SPTBN2: variants seen among roughly 807,000 people sequenced by gnomAD.
SPTBN2 encodes spectrin beta chain, non-erythrocytic 2.
Under a neutral mutation model 284.2 loss-of-function variants are expected in SPTBN2, and 107 were observed. That is an observed-to-expected ratio of 0.38 (90% CI 0.32 to 0.44). The LOEUF is 0.44. Among genes scored for constraint, SPTBN2 ranks in the 20% least tolerant of loss-of-function variants. The pLI is 1.00. For synonymous variants in SPTBN2, 1,289 were observed against 1,354.8 expected (o/e 0.95, Z 1.07); for missense variants, 2,569 against 3,287.1 (o/e 0.78, Z 5.34).
At chr11:66,739,842 G>A (rs1942882185) in intron 1 of SPTBN2, among the ~76,000 whole-genome samples, 2 of 152,170 alleles carry the variant, frequency 1.3e-5, no homozygotes, top group African/African-American at 2.4e-5. Context: ...GACCAGCCTG[G>A]CCAACATGGT....
chr11:66,686,943 T>G, intron 36 of SPTBN2, 51 bp downstream of exon 36: 1 of 1,609,480 alleles, frequency 6.2e-7, no homozygotes, highest in Non-Finnish European at 8.5e-7. Flanking sequence ...GGCTCACCTG[T>G]GTCACTCCCA....
chr11:66,710,558 G>C lies in SPTBN2; in HGVS notation c.1073+24C>G. 2 of 1,610,910 alleles carry C rather than the reference G, an allele frequency of 1.2e-6. No homozygotes were observed. Among genetic ancestry groups the C allele is most frequent in the Non-Finnish European group, 1.7e-6 (2 of 1,178,724 alleles). On this transcript the variant is annotated intron_variant, in intron 10 of 37. Transcript: ENST00000533211. The surrounding 1 kb of genome is among the most constrained non-coding windows in gnomAD (Gnocchi z 4.9). Reference sequence around the variant, plus strand: ...TCTCGTGGGAGCACAGCTCAGGGAAGGGTGGGGCCCCAGGGACACCTACTT... The same window carrying C: ...TCTCGTGGGAGCACAGCTCAGGGAACGGTGGGGCCCCAGGGACACCTACTT...
intron 1 of SPTBN2, among the ~76,000 whole-genome samples, chr11:66,741,240 C>A (rs60333056): frequency 6.6e-6 from 1 of 152,170 alleles, no homozygotes; most frequent in South Asian, 2.1e-4. Flanking sequence ...TTTCCCTCAT[C>A]CTGTTCTTCT....
At position 66,705,190 on chromosome 11, in the gene SPTBN2, GC is replaced by G; in HGVS notation, c.2085del (p.Leu697Ter). 6.5e-7 allele frequency: 1 copy of G among 1,534,798 alleles called. No individual in the cohort carries two copies. Among genetic ancestry groups the G allele is most frequent in the Non-Finnish European group, 8.7e-7 (1 of 1,143,112 alleles). Reference protein sequence around the residue: ...ALRGEMSGRLGPLKLTLEQGQ... With the variant: ...ALRGEMSGRLXPLKLTLEQGQ... ...CCCTGCTCCAGGGTGAGCTTCAGGG[GC>G]CCCAGCCGGCCGCTCATCTCGCCCC... On this transcript the variant is annotated frameshift_variant, in exon 15 of 38. Transcript: ENST00000533211. LOFTEE classifies it high-confidence loss of function.
At chr11:66,706,001 C>T (rs187857708) in intron 13 of SPTBN2, among the ~76,000 whole-genome samples, 164 bp from the exon 14 acceptor site, 8 of 152,358 alleles carry the variant, frequency 5.3e-5, no homozygotes, top group Admixed American at 5.2e-4. Context: ...GGCACCCCGA[C>T]CTCCTTATCC....
At chr11:66,725,554 G>A (rs537889161) in intron 1 of SPTBN2, among the ~76,000 whole-genome samples, 1 of 148,974 alleles carries the variant, frequency 6.7e-6, no homozygotes, top group African/African-American at 2.6e-5. Flanking sequence ...CCTGTCATGA[G>A]GAAGCTGGAG....
Position 66,694,275 on chromosome 11 carries a change from G to T in SPTBN2, c.4367C>A (p.Ala1456Glu), listed in dbSNP as rs750926553. Reference sequence around the variant, plus strand: ...CCTCGAGGTTCTCTCCACCTCCCCTGCACCCTGGTCCTCCTGGGCCAGTGC... The same window carrying T: ...CCTCGAGGTTCTCTCCACCTCCCCTTCACCCTGGTCCTCCTGGGCCAGTGC... ...AKALAQEDQG[A>E]GEVERTSRAV... Residue 1456 changes from alanine (A) to glutamate (E), a missense_variant, in exon 22 of 38, where the codon GCA (alanine) becomes GAA (glutamate). Ala to Glu is a moderately radical substitution (Grantham distance 107, BLOSUM62 -1). Transcript: ENST00000533211. 1 of 1,614,220 alleles carries T rather than the reference G, an allele frequency of 6.2e-7. No individual in the cohort carries two copies. Among genetic ancestry groups the T allele is most frequent in the Non-Finnish European group, 8.5e-7 (1 of 1,180,042 alleles).
chr11:66,708,070 G>A lies in SPTBN2; in HGVS notation c.1350+71C>T. The A allele has an allele frequency of 2.5e-6, 4 of 1,603,304 alleles. No individual in the cohort carries two copies. Among genetic ancestry groups the A allele is most frequent in the Non-Finnish European group, 8.5e-7 (1 of 1,171,912 alleles). ...TGTTTCATTGTCTCTCCACCCCGCG[G>A]GGCTTCTTATCCACCCTGTCTCTCT... is the stretch of plus-strand genomic sequence containing the variant. On this transcript the variant is annotated intron_variant, in intron 12 of 37. Coordinates refer to ENST00000533211, the MANE Select transcript of SPTBN2 (RefSeq NM_006946.4). This position sits in a 1 kb window ranked among gnomAD's most constrained non-coding sequence, Gnocchi z 4.4.
rs2135462670 is a variant in SPTBN2 at position 66,707,129 on chromosome 11, C to T, written c.1653+387G>A. On this transcript the variant is annotated intron_variant, in intron 13 of 37. Coordinates refer to ENST00000533211, the MANE Select transcript of SPTBN2 (RefSeq NM_006946.4). This position sits in a 1 kb window ranked among gnomAD's most constrained non-coding sequence, Gnocchi z 4.9. Reference sequence around the variant, plus strand: ...GATCCAGGCCGAGGGCCTGTGCCGGCTGTTCCTTCTGCCCGGAACATTCTC... The same window carrying T: ...GATCCAGGCCGAGGGCCTGTGCCGGTTGTTCCTTCTGCCCGGAACATTCTC... Among the ~76,000 whole-genome samples, 1 of 152,392 alleles carries T rather than the reference C, an allele frequency of 6.6e-6. No individual in the cohort carries two copies. Among genetic ancestry groups the T allele is most frequent in the East Asian group, 1.9e-4 (1 of 5,186 alleles).
intron 27 of SPTBN2, 167 bp from the exon 28 acceptor site, chr11:66,690,450 A>AGCCCCTGCCTT: frequency 2.1e-6 from 2 of 939,010 alleles, no homozygotes; most frequent in African/African-American, 1.7e-5. Flanking sequence ...GGGGCTGGCC[A>AGCCCCTGCCTT]CACTCTGCCC....
At chr11:66,712,420 G>A (rs568763692) in intron 8 of SPTBN2, among the ~76,000 whole-genome samples, 2 of 152,044 alleles carry the variant, frequency 1.3e-5, no homozygotes, top group South Asian at 2.1e-4. Flanking sequence ...GGTGGGATGC[G>A]CCTGTAATCT....
chr11:66,731,410 T>C (rs1006719337), upstream of SPTBN2, among the ~76,000 whole-genome samples: 3 of 152,230 alleles, frequency 2.0e-5, no homozygotes, highest in African/African-American at 7.2e-5. Context: ...AGCTTCTCAG[T>C]GAATCCACAT....
In SPTBN2 at chr11:66,700,122, ATTTT is replaced by A. The variant is rs948277430; in HGVS notation, c.3573+400_3573+403del. 1.4e-5 allele frequency among the ~76,000 whole-genome samples: 2 copies of A among 147,100 alleles called. No individual in the cohort carries two copies. The highest frequency in any genetic ancestry group is 5.0e-5 in the African/African-American group (2 of 40,074). ...AGGCATGCACCACCATGTCCAGTTA[ATTTT>A]TTTTTTTCATAGAGATGGGGGTCTC... On this transcript the variant is annotated intron_variant, in intron 17 of 37. Coordinates refer to ENST00000533211, the MANE Select transcript of SPTBN2 (RefSeq NM_006946.4). This position sits in a 1 kb window ranked among gnomAD's most constrained non-coding sequence, Gnocchi z 6.6.
intron 16 of SPTBN2, 118 bp from the exon 17 acceptor site, chr11:66,701,400 G>A (rs990601608): frequency 8.6e-6 from 13 of 1,513,010 alleles, no homozygotes; most frequent in South Asian, 2.4e-5. Flanking sequence ...GCCAGCAGCC[G>A]CTTCAGACCA....
chr11:66,686,444 T>C lies in SPTBN2; in HGVS notation c.6897-4A>G, dbSNP rs1262014282. ...ATATTCTTTTCCATCCTGTAAGCTGTTGGGAGAGAGAGGCCACAGGGCAGA... is the reference window on the plus strand; with the variant it reads ...ATATTCTTTTCCATCCTGTAAGCTGCTGGGAGAGAGAGGCCACAGGGCAGA... On this transcript the variant is annotated splice_region_variant and splice_polypyrimidine_tract_variant and intron_variant, in intron 36 of 37. Coordinates refer to ENST00000533211, the MANE Select transcript of SPTBN2 (RefSeq NM_006946.4). The C allele has an allele frequency of 4.3e-6, 7 of 1,613,948 alleles. No individual in the cohort carries two copies. In the East Asian group the frequency reaches 8.9e-5, roughly 21 times the overall value.
Position 66,686,102 on chromosome 11 carries a change from T to C in SPTBN2, c.6942A>G (p.Ala2314=). The change falls in exon 38 of 38, where the codon GCA becomes GCG. Residue 2314 remains alanine (A), a splice_region_variant and synonymous_variant. Transcript: ENST00000533211. Reference sequence around the variant, plus strand: ...CCACCCGTAGCCACGAGCTCATCTCTGCCTGTGGATGGAAAGACCCTCAAT... The same window carrying C: ...CCACCCGTAGCCACGAGCTCATCTCCGCCTGTGGATGGAAAGACCCTCAAT... ...KEYLFQAKDE[A]EMSSWLRVVN... is the part of the protein sequence containing the mutation. 1 of 1,612,236 alleles carries C rather than the reference T, an allele frequency of 6.2e-7. No homozygotes were observed. The highest frequency in any genetic ancestry group is 8.5e-7 in the Non-Finnish European group (1 of 1,179,170).
chr11:66,727,529 G>T (rs1942661264), intron 1 of SPTBN2, among the ~76,000 whole-genome samples: 2 of 152,234 alleles, frequency 1.3e-5, no homozygotes, highest in Non-Finnish European at 2.9e-5. Context: ...TTCCGTGCGG[G>T]GCGGACCGCA....
intron 1 of SPTBN2, among the ~76,000 whole-genome samples, chr11:66,743,325 T>G (rs921779075): frequency 1.3e-5 from 2 of 152,152 alleles, no homozygotes; most frequent in African/African-American, 4.8e-5. Context: ...AAGGGTATGA[T>G]TCAGGTCTCG....
At chr11:66,698,592 T>A in intron 20 of SPTBN2, 47 bp downstream of exon 20, 2 of 1,613,552 alleles carry the variant, frequency 1.2e-6, no homozygotes, top group Non-Finnish European at 1.7e-6. Flanking sequence ...CCCTCCCCCG[T>A]ACCATGGGGG....
Sources: gnomAD v4.1 joint callset for allele counts (sites outside exome capture counted in the v4.1 genomes callset) on GRCh38, gnomAD v4.1.1 for gene constraint, Gnocchi (gnomAD v3.1) non-coding constraint, MANE v1.5 for transcripts, NCBI Gene and HGNC (gene_info 2026-07-23, HGNC 2026-07-21) for gene names.